The following CSMD3 variants were observed in gnomAD, a reference collection of about 807,000 sequenced individuals.
CSMD3 encodes the protein CUB and sushi domain-containing protein 3.
CSMD3 carries 177 observed loss-of-function variants against 435.2 expected under a neutral mutation model. The observed-to-expected ratio is 0.41, with a 90% CI of 0.36 to 0.46. The LOEUF (loss-of-function observed/expected upper bound fraction) is 0.46. Among genes scored for constraint, CSMD3 ranks in the 20% least tolerant of loss-of-function variants. The pLI, the probability that CSMD3 is intolerant of heterozygous loss-of-function variation, is 0.34. For missense variants in CSMD3, 4,265 were observed against 4,504.6 expected, an observed-to-expected ratio of 0.95 and a Z score of 1.52; for synonymous variants, 1,656 against 1,520.5, an observed-to-expected ratio of 1.09 and a Z score of -2.07.
intron 1 of CSMD3, among the ~76,000 whole-genome samples, chr8:113,348,945 A>C (rs1255981006): frequency 6.6e-6 from 1 of 152,124 alleles, no homozygotes; most frequent in Non-Finnish European, 1.5e-5. Context: ...AAATATAATC[A>C]TTAATTTTAC....
At chr8:112,313,055 G>A (rs539249772) in intron 49 of CSMD3, among the ~76,000 whole-genome samples, 121 of 152,212 alleles carry the variant, frequency 7.9e-4, no homozygotes, top group African/African-American at 2.7e-3. Flanking sequence ...GGTCTCTGAC[G>A]TGATTTAGAA....
At chr8:112,363,691 T>G (rs1778953497) in intron 38 of CSMD3, among the ~76,000 whole-genome samples, 1 of 151,632 alleles carries the variant, frequency 6.6e-6, no homozygotes, top group African/African-American at 2.4e-5. Flanking sequence ...GGGTGAAAAA[T>G]CAGTGAGATA....
chr8:113,410,873 C>T (rs931866545), intron 1 of CSMD3, among the ~76,000 whole-genome samples: 1 of 134,648 alleles, frequency 7.4e-6, no homozygotes, highest in Non-Finnish European at 1.6e-5. Flanking sequence ...CTACTGTACT[C>T]CAGCCTTGTG....
At chr8:112,487,638 T>C (rs1361834460) in intron 31 of CSMD3, among the ~76,000 whole-genome samples, 6 of 152,042 alleles carry the variant, frequency 3.9e-5, no homozygotes, top group African/African-American at 1.4e-4. Flanking sequence ...AGATACTATA[T>C]GGAGAACAAA....
chr8:112,558,051 G>C (rs1046644896), intron 24 of CSMD3, among the ~76,000 whole-genome samples: 2 of 151,760 alleles, frequency 1.3e-5, no homozygotes, highest in Admixed American at 1.3e-4. Context: ...AAGTGTTGGC[G>C]CTCAGAACAA....
chr8:112,464,723 T>G (rs1329113978), intron 32 of CSMD3, among the ~76,000 whole-genome samples: 1 of 152,186 alleles, frequency 6.6e-6, no homozygotes, highest in East Asian at 1.9e-4. Flanking sequence ...CAATATGGGT[T>G]CTAAATTAAG....
intron 5 of CSMD3, among the ~76,000 whole-genome samples, chr8:113,037,206 T>C (rs1470032182): frequency 6.6e-6 from 1 of 152,124 alleles, no homozygotes; most frequent in Non-Finnish European, 1.5e-5. Flanking sequence ...CATAATCAGG[T>C]ATATATTAAC....
At chr8:112,593,305 C>A (rs1831358559) in intron 22 of CSMD3, among the ~76,000 whole-genome samples, 1 of 151,888 alleles carries the variant, frequency 6.6e-6, no homozygotes, top group African/African-American at 2.4e-5. Context: ...GGATGAAAAC[C>A]CTAGAGAAGA....
At chr8:112,718,076 A>G (rs1312444341) in intron 13 of CSMD3, among the ~76,000 whole-genome samples, 4 of 152,206 alleles carry the variant, frequency 2.6e-5, no homozygotes, top group African/African-American at 9.6e-5. Flanking sequence ...ACTTAAAGTA[A>G]AATAAAAAAT....
At chr8:112,750,676 G>C (rs1217599107) in intron 13 of CSMD3, among the ~76,000 whole-genome samples, 2 of 152,052 alleles carry the variant, frequency 1.3e-5, no homozygotes, top group Non-Finnish European at 2.9e-5. Context: ...GGACCAGAAT[G>C]ATCCAAGGGT....
At chr8:112,282,320 CA>C (rs1818736594) in intron 58 of CSMD3, among the ~76,000 whole-genome samples, 1 of 151,772 alleles carries the variant, frequency 6.6e-6, no homozygotes, top group Non-Finnish European at 1.5e-5. Context: ...ACATAAAAAT[CA>C]AACTCTAGAT....
At chr8:113,178,621 A>G (rs1226138705) in intron 3 of CSMD3, among the ~76,000 whole-genome samples, 1 of 151,946 alleles carries the variant, frequency 6.6e-6, no homozygotes, top group Non-Finnish European at 1.5e-5. Context: ...GGAGATCTGG[A>G]AAGGATTTCC....
chr8:112,396,306 C>T (rs1830857767), intron 35 of CSMD3, among the ~76,000 whole-genome samples: 1 of 152,056 alleles, frequency 6.6e-6, no homozygotes, highest in Non-Finnish European at 1.5e-5. Flanking sequence ...TGAACTAAGA[C>T]AGAAAAACAA....
At position 113,405,824 on chromosome 8, in the gene CSMD3, G is replaced by A. The variant is rs181981416; in HGVS notation, c.178+30853C>T. On this transcript the variant is annotated intron_variant, in intron 1 of 70. Transcript: ENST00000297405. Reference sequence around the variant, plus strand: ...TTCAGCCTATGATCTAGGGTATATAGTATAATGTAAATGCATGCTTCCATA... The same window carrying A: ...TTCAGCCTATGATCTAGGGTATATAATATAATGTAAATGCATGCTTCCATA... 1.1e-3 allele frequency among the ~76,000 whole-genome samples: 172 copies of A among 151,874 alleles called. 1 individual carries two copies. The highest frequency in any genetic ancestry group is 6.8e-3 in the Middle Eastern group (2 of 294).
In CSMD3 at chr8:112,337,618, A is replaced by G. The variant is rs1824705261; in HGVS notation, c.6766T>C (p.Leu2256=). ...ISFECFPGYT[L]IGNSALTCLH... ...CATGTGAGAGCTGAATTTCCAATTAATGTGTATCCTGGGAAACATTCAAAT... is the reference window on the plus strand; with the variant it reads ...CATGTGAGAGCTGAATTTCCAATTAGTGTGTATCCTGGGAAACATTCAAAT... Residue 2256 remains leucine (L), a synonymous_variant, in exon 43 of 71, where the codon TTA becomes CTA. Coordinates refer to ENST00000297405, the MANE Select transcript of CSMD3 (RefSeq NM_198123.2). The G allele has an allele frequency of 6.2e-7, 1 of 1,613,640 alleles. No individual in the cohort carries two copies. Among genetic ancestry groups the G allele is most frequent in the Non-Finnish European group, 8.5e-7 (1 of 1,179,562 alleles).
intron 13 of CSMD3, among the ~76,000 whole-genome samples, chr8:112,694,544 T>A (rs2076210661): frequency 6.6e-6 from 1 of 152,136 alleles, no homozygotes; most frequent in East Asian, 1.9e-4. Context: ...CAACACTCTT[T>A]AAAATTAAGA....
chr8:113,336,806 C>T (rs960981587), intron 1 of CSMD3, among the ~76,000 whole-genome samples: 2 of 152,204 alleles, frequency 1.3e-5, no homozygotes, highest in East Asian at 1.9e-4. Flanking sequence ...CCAGTGTTTA[C>T]ACTGACACTG....
At chr8:112,237,754 A>C (rs921820124) in intron 66 of CSMD3, among the ~76,000 whole-genome samples, 1 of 152,076 alleles carries the variant, frequency 6.6e-6, no homozygotes, top group Non-Finnish European at 1.5e-5. Context: ...CAGCAGTGGG[A>C]ATAGATTTTT....
intron 7 of CSMD3, among the ~76,000 whole-genome samples, 153 bp downstream of exon 7, chr8:112,975,682 TTG>T (rs2084818641): frequency 1.3e-5 from 2 of 152,150 alleles, no homozygotes; most frequent in Non-Finnish European, 1.5e-5. Context: ...TATTCCAGTT[TTG>T]GTTGTTACTA....
Sources: gnomAD v4.1 joint callset for allele counts (sites outside exome capture counted in the v4.1 genomes callset) on GRCh38, gnomAD v4.1.1 for gene constraint, MANE v1.5 for transcripts, NCBI Gene and HGNC (gene_info 2026-07-23, HGNC 2026-07-21) for gene names.